Variants in DYSF observed in about 807,000 individuals in gnomAD.
DYSF encodes the protein dysferlin, also known as dystrophy-associated fer-1-like 1.
Under a neutral mutation model 274.9 loss-of-function variants are expected in DYSF, and 212 were observed. The observed-to-expected ratio is 0.77, with a 90% confidence interval of 0.69 to 0.86. The LOEUF is 0.86. Among genes scored for constraint, DYSF ranks in the 40% least tolerant of loss-of-function variants. The pLI, the probability that DYSF is intolerant of heterozygous loss-of-function variation, is 0.00. For missense variants in DYSF, 2,666 were observed against 2,783.2 expected (o/e 0.96, Z 0.95); for synonymous variants, 1,091 against 1,078.7 (o/e 1.01, Z -0.22).
intron 32 of DYSF, among the ~76,000 whole-genome samples, chr2:71,597,542 G>A (rs1235325169): frequency 6.6e-6 from 1 of 152,166 alleles, no homozygotes; most frequent in Non-Finnish European, 1.5e-5. Flanking sequence ...TGCTGAATCC[G>A]AGTCTCTGGG....
rs80130501 is a variant in DYSF at position 71,667,622 on chromosome 2, T to C, written c.5457+107T>C. The C allele has an allele frequency of 3.7e-3, 5,625 of 1,521,470 alleles. 22 individuals are homozygous for C. The highest frequency in any genetic ancestry group is 4.4e-3 in the Non-Finnish European group (4,887 of 1,117,310). The allele number at this position is 1,521,470 out of a possible 1,614,324, so 94.2% of individuals were successfully genotyped here. ...AGCCAGTGGGTCCCTTGAGATTTGG[T>C]CAATCCTTCCTTGACCCATTTCTTC... On this transcript the variant is annotated intron_variant, in intron 48 of 55. Transcript: ENST00000410020.
In DYSF at chr2:71,472,865, G is replaced by A. The variant is rs1422575443; in HGVS notation, c.91+5932G>A. Among the ~76,000 whole-genome samples the A allele has an allele frequency of 2.6e-5, 4 of 152,258 alleles. No homozygotes were observed. The East Asian group carries it at 5.8e-4, about 22-fold the overall frequency. On this transcript the variant is annotated intron_variant, in intron 1 of 55. Transcript: ENST00000410020. Reference sequence around the variant, plus strand: ...CTCTTTATGTATTGAGAATGTTACCGTTTTTGTCATAGATGTTTCTAGTAT... The same window carrying A: ...CTCTTTATGTATTGAGAATGTTACCATTTTTGTCATAGATGTTTCTAGTAT...
At chr2:71,550,615 G>C (rs1263243686) in intron 17 of DYSF, among the ~76,000 whole-genome samples, 1 of 152,128 alleles carries the variant, frequency 6.6e-6, no homozygotes, top group Non-Finnish European at 1.5e-5. Flanking sequence ...AGAAGCGTAG[G>C]ATGGAGAGCA....
intron 30 of DYSF, among the ~76,000 whole-genome samples, chr2:71,587,986 C>T (rs2093128607): frequency 6.6e-6 from 1 of 152,196 alleles, no homozygotes; most frequent in South Asian, 2.1e-4. Flanking sequence ...GGATGCAATT[C>T]CTTTTTGACC....
rs371686795 is a variant in DYSF, at chr2:71,568,346, G to A, written c.2864+8G>A. 299 of 1,613,634 alleles carry A rather than the reference G, an allele frequency of 1.9e-4. No individual in the cohort carries two copies. The highest frequency in any genetic ancestry group is 2.3e-4 in the Non-Finnish European group (266 of 1,179,778). On this transcript the variant is annotated splice_region_variant and intron_variant, in intron 26 of 55. Coordinates refer to ENST00000410020, the MANE Select transcript of DYSF (RefSeq NM_001130987.2). ...CGTGTGTCCGGAGAAGACGTGAGTC[G>A]TGGGCAGGGAGGGCTGGGGAGAGCC...
chr2:71,462,280 A>C (rs2081315291), upstream of DYSF, among the ~76,000 whole-genome samples: 1 of 152,132 alleles, frequency 6.6e-6, no homozygotes, highest in Non-Finnish European at 1.5e-5. Flanking sequence ...TGGTACAGGC[A>C]CTGGCTCTGT....
At position 71,570,506 on chromosome 2, in the gene DYSF, A is replaced by G. The variant is rs2092355491; in HGVS notation, c.3086-93A>G. Reference sequence around the variant, plus strand: ...TAGGACCGAGAGTCAGTGGCCGCTCAAGAGTCTGTGACCATGCCCCAAATT... The same window carrying G: ...TAGGACCGAGAGTCAGTGGCCGCTCGAGAGTCTGTGACCATGCCCCAAATT... On this transcript the variant is annotated intron_variant, in intron 28 of 55. Transcript: ENST00000410020. 4 of 1,557,816 alleles carry G rather than the reference A, an allele frequency of 2.6e-6. No homozygotes were observed. In the East Asian group the frequency reaches 9.4e-5, roughly 37 times the overall value.
intron 27 of DYSF, 62 bp downstream of exon 27, chr2:71,569,996 C>A (rs2092328537): frequency 6.9e-7 from 1 of 1,445,378 alleles, no homozygotes; most frequent in Non-Finnish European, 9.7e-7. Context: ...GCACCTGGTG[C>A]TCAGGGACAG....
intron 52 of DYSF, among the ~76,000 whole-genome samples, chr2:71,676,987 C>A (rs1157171317): frequency 6.6e-6 from 1 of 151,702 alleles, no homozygotes; most frequent in Non-Finnish European, 1.5e-5. Context: ...TATATTGGCA[C>A]CATATTTCAA....
At chr2:71,486,271 A>C in intron 3 of DYSF, among the ~76,000 whole-genome samples, 2 of 148,320 alleles carry the variant, frequency 1.3e-5, no homozygotes, top group Non-Finnish European at 3.0e-5. Flanking sequence ...GTCCCCCTCC[A>C]CCTTGCCTCC....
intron 32 of DYSF, among the ~76,000 whole-genome samples, chr2:71,592,098 G>A (rs1239005509): frequency 1.3e-5 from 2 of 152,246 alleles, no homozygotes; most frequent in African/African-American, 2.4e-5. Flanking sequence ...TCCCGGAAGG[G>A]CGTGAGAGGT....
chr2:71,614,716 C>G (rs939946329), intron 40 of DYSF, among the ~76,000 whole-genome samples: 6 of 152,108 alleles, frequency 3.9e-5, no homozygotes, highest in East Asian at 1.9e-4. Flanking sequence ...CACAAGGCCT[C>G]GCTTAGCGGA....
intron 2 of DYSF, 122 bp downstream of exon 2, chr2:71,481,060 G>T: frequency 1.0e-6 from 1 of 1,001,800 alleles, no homozygotes; most frequent in Non-Finnish European, 1.6e-6. Flanking sequence ...GGAGGGGCTG[G>T]TGGTCCAGCC....
chr2:71,616,019 G>A (rs960027505), intron 40 of DYSF, among the ~76,000 whole-genome samples: 7 of 152,152 alleles, frequency 4.6e-5, no homozygotes, highest in South Asian at 2.1e-4. Context: ...ACTTTCCTCC[G>A]TGACACCTTC....
At chr2:71,590,135 C>T (rs543524510) in intron 31 of DYSF, 76 bp from the exon 32 acceptor site, 1 of 1,460,476 alleles carries the variant, frequency 6.8e-7, no homozygotes, top group Non-Finnish European at 9.6e-7. Flanking sequence ...GGGACAGACT[C>T]CACCTCCCCC....
At chr2:71,474,898 C>A (rs1245510450) in intron 1 of DYSF, among the ~76,000 whole-genome samples, 1 of 152,172 alleles carries the variant, frequency 6.6e-6, no homozygotes, top group Non-Finnish European at 1.5e-5. Flanking sequence ...TGGAATTTTC[C>A]ATGTTACTCC....
At chr2:71,594,518 G>T (rs2093354390) in intron 32 of DYSF, among the ~76,000 whole-genome samples, 1 of 152,114 alleles carries the variant, frequency 6.6e-6, no homozygotes, top group Non-Finnish European at 1.5e-5. Context: ...ACCACTCAAA[G>T]AACACATTTT....
intron 41 of DYSF, among the ~76,000 whole-genome samples, chr2:71,622,130 G>GTGTTTTTTTTT (rs775688599): frequency 9.3e-5 from 9 of 97,004 alleles, no homozygotes; most frequent in African/African-American, 3.5e-4. Flanking sequence ...TGATTTCTTT[G>GTGTTTTTTTTT]TTTTTTTTTT....
intron 41 of DYSF, among the ~76,000 whole-genome samples, chr2:71,622,430 A>C (rs1169028011): frequency 6.6e-6 from 1 of 152,172 alleles, no homozygotes; most frequent in Admixed American, 6.5e-5. Flanking sequence ...GTTTCTTTCT[A>C]ATAGTAATGC....
Sources: allele counts gnomAD v4.1 joint callset (sites outside exome capture counted in the v4.1 genomes callset), GRCh38; gene constraint gnomAD v4.1.1; transcripts MANE v1.5; gene names NCBI Gene and HGNC (gene_info 2026-07-23, HGNC 2026-07-21).